Variants in NPSR1 observed in about 807,000 individuals in gnomAD.
NPSR1 encodes the protein neuropeptide S receptor 1.
NPSR1 carries 48 observed loss-of-function variants against 46.9 expected under a neutral mutation model. That is an observed-to-expected ratio of 1.02 (90% CI 0.81 to 1.30). The LOEUF is 1.30. NPSR1 is among the 50% of genes most tolerant of loss of function. The pLI is 0.00. For missense variants in NPSR1, 450 were observed against 449.5 expected (o/e 1.00, Z -0.01); for synonymous variants, 176 against 168.1 (o/e 1.05, Z -0.36).
At chr7:34,662,470 G>A (rs1791504767) in intron 1 of NPSR1, among the ~76,000 whole-genome samples, 1 of 152,190 alleles carries the variant, frequency 6.6e-6, no homozygotes, top group Non-Finnish European at 1.5e-5. Context: ...CCCCAGGACA[G>A]TGTCAGGGAT....
rs1162659389 is a variant in NPSR1, at chr7:34,658,374, G to A, written c.-39G>A. ...GCAAGCTGGACTCCCTCACTCAGCT[G>A]CAGGAGCAAGGACAGTGAGGCTCAA... On this transcript the variant is annotated 5_prime_UTR_variant, in exon 1 of 9. Coordinates refer to ENST00000360581, the MANE Select transcript of NPSR1 (RefSeq NM_207172.2). The A allele has an allele frequency of 1.2e-6, 2 of 1,609,190 alleles. No homozygotes were observed. The highest frequency in any genetic ancestry group is 1.3e-5 in the African/African-American group (1 of 74,832).
At chr7:34,786,127 A>G (rs1787455959) in intron 3 of NPSR1, among the ~76,000 whole-genome samples, 1 of 152,208 alleles carries the variant, frequency 6.6e-6, no homozygotes, top group Non-Finnish European at 1.5e-5. Context: ...TACCCAGAGT[A>G]GAACTTCTTT....
chr7:34,700,642 T>C (rs892034049), intron 2 of NPSR1, among the ~76,000 whole-genome samples: 9 of 152,192 alleles, frequency 5.9e-5, no homozygotes, highest in Non-Finnish European at 1.0e-4. Flanking sequence ...AAACATAACA[T>C]TTTCCACAAA....
intron 2 of NPSR1, among the ~76,000 whole-genome samples, chr7:34,757,262 C>T (rs1451021175): frequency 6.6e-6 from 1 of 152,110 alleles, no homozygotes; most frequent in African/African-American, 2.4e-5. Flanking sequence ...ATAGTCACTC[C>T]TTCTGTTAGG....
At chr7:34,661,237 C>T (rs1176971450) in intron 1 of NPSR1, among the ~76,000 whole-genome samples, 1 of 152,146 alleles carries the variant, frequency 6.6e-6, no homozygotes, top group African/African-American at 2.4e-5. Context: ...TCACCCAGGT[C>T]CCTTTCTGCA....
intron 5 of NPSR1, among the ~76,000 whole-genome samples, chr7:34,828,431 G>GC (rs1383689829): frequency 6.6e-6 from 1 of 152,218 alleles, no homozygotes; most frequent in African/African-American, 2.4e-5. Context: ...ACAGAGATTA[G>GC]CACAACAACC....
Position 34,841,351 on chromosome 7 carries a change from G to A in NPSR1, c.758-3545G>A, listed in dbSNP as rs538059559. On this transcript the variant is annotated intron_variant, in intron 6 of 8. Transcript: ENST00000360581. ...GTAAGAGGCCTGTGGTCTTGGGAAG[G>A]TGAAGAGCCAGAAATGGCCATTTGG... Among the ~76,000 whole-genome samples the A allele has an allele frequency of 2.0e-4, 30 of 152,330 alleles. 1 individual carries two copies. The East Asian group carries it at 5.8e-3, about 29-fold the overall frequency.
At chr7:34,803,798 A>T (rs1788553501) in intron 3 of NPSR1, among the ~76,000 whole-genome samples, 1 of 151,856 alleles carries the variant, frequency 6.6e-6, no homozygotes, top group African/African-American at 2.4e-5. Flanking sequence ...TACTAATATC[A>T]GAAATGAAAG....
At chr7:34,770,026 A>T (rs997678471) in intron 2 of NPSR1, among the ~76,000 whole-genome samples, 3 of 152,228 alleles carry the variant, frequency 2.0e-5, no homozygotes, top group African/African-American at 7.2e-5. Flanking sequence ...AGCAACTAAC[A>T]AATGCGGTGG....
chr7:34,804,857 T>C (rs768934522), intron 3 of NPSR1, among the ~76,000 whole-genome samples: 4 of 151,800 alleles, frequency 2.6e-5, no homozygotes, highest in Admixed American at 6.6e-5. Context: ...CACTGAAGAA[T>C]AGAAGGTTAA....
intron 1 of NPSR1, among the ~76,000 whole-genome samples, chr7:34,668,006 T>C (rs1431300157): frequency 6.6e-6 from 1 of 151,956 alleles, no homozygotes; most frequent in Non-Finnish European, 1.5e-5. Context: ...GGGTTAATAT[T>C]AATGTAAAAT....
At chr7:34,811,905 C>A in intron 4 of NPSR1, 42 bp downstream of exon 4, 1 of 1,271,774 alleles carries the variant, frequency 7.9e-7, no homozygotes, top group Non-Finnish European at 1.1e-6. Flanking sequence ...AAGAACTGTC[C>A]TTGAGTGAGG....
At chr7:34,866,092 C>G (rs537119812) in intron 8 of NPSR1, among the ~76,000 whole-genome samples, 6 of 151,814 alleles carry the variant, frequency 4.0e-5, no homozygotes, top group African/African-American at 1.5e-4. Context: ...TGCTTGTAGT[C>G]CCTACTGAGG....
At chr7:34,679,080 C>T (rs1792480282) in intron 1 of NPSR1, among the ~76,000 whole-genome samples, 1 of 152,014 alleles carries the variant, frequency 6.6e-6, no homozygotes, top group Non-Finnish European at 1.5e-5. Context: ...AAAAATTAAG[C>T]ATTCAATGTC....
chr7:34,694,611 C>A (rs1380628119), intron 2 of NPSR1, among the ~76,000 whole-genome samples: 1 of 152,158 alleles, frequency 6.6e-6, no homozygotes, highest in Non-Finnish European at 1.5e-5. Flanking sequence ...TCTACAGATT[C>A]AACACAATCC....
chr7:34,685,126 A>G (rs1249182299), intron 2 of NPSR1, among the ~76,000 whole-genome samples: 1 of 152,246 alleles, frequency 6.6e-6, no homozygotes, highest in African/African-American at 2.4e-5. Flanking sequence ...TGCTTTTGAA[A>G]TGCAAATGAT....
chr7:34,663,586 C>T (rs1791581897), intron 1 of NPSR1, among the ~76,000 whole-genome samples: 2 of 152,290 alleles, frequency 1.3e-5, no homozygotes, highest in Middle Eastern at 3.4e-3. Context: ...TCTTCCTCCG[C>T]TTTTTCCTGC....
Position 34,658,422 on chromosome 7 carries a change from A to G in NPSR1, c.10A>G (p.Asn4Asp). Residue 4 changes from asparagine to aspartate, a missense_variant, in exon 1 of 9, where the codon AAC becomes GAC. Coordinates refer to ENST00000360581, the MANE Select transcript of NPSR1 (RefSeq NM_207172.2). The stretch of plus-strand genomic sequence containing the variant: ...CAACCCCGCCTGAGCCATGCCAGCC[A>G]ACTTCACAGAGGGCAGCTTCGATTC... MPA[N>D]FTEGSFDSSG... 6.2e-7 allele frequency: 1 copy of G among 1,614,022 alleles called. No homozygotes were observed. The highest frequency in any genetic ancestry group is 1.1e-5 in the South Asian group (1 of 91,070).
intron 1 of NPSR1, among the ~76,000 whole-genome samples, chr7:34,659,737 A>G (rs1450918473): frequency 6.6e-6 from 1 of 152,152 alleles, no homozygotes; most frequent in Non-Finnish European, 1.5e-5. Flanking sequence ...CAGCTCCACG[A>G]TGTAGCTTAG....
Sources: gnomAD v4.1 joint callset for allele counts (sites outside exome capture counted in the v4.1 genomes callset) on GRCh38, gnomAD v4.1.1 for gene constraint, MANE v1.5 for transcripts, NCBI Gene and HGNC (gene_info 2026-07-23, HGNC 2026-07-21) for gene names.